The following CTNND2 variants were observed in gnomAD, a reference collection of about 807,000 sequenced individuals.
CTNND2 encodes the protein catenin delta 2, also known as catenin delta-2.
In CTNND2, 22 loss-of-function variants were observed where a neutral mutation model predicts 144.4. The ratio of observed to expected loss-of-function variants is 0.15; its 90% CI spans 0.11 to 0.22. CTNND2 has a LOEUF of 0.22. Ranked by LOEUF, CTNND2 falls within the 10% of genes least tolerant of loss-of-function variation. CTNND2 has a pLI of 1.00. For missense variants in CTNND2, 1,353 were observed against 1,618.8 expected (o/e 0.84, Z 2.82); for synonymous variants, 751 against 695.6 (o/e 1.08, Z -1.25).
chr5:11,668,350 T>C (rs933956405), intron 2 of CTNND2, among the ~76,000 whole-genome samples: 1 of 152,264 alleles, frequency 6.6e-6, no homozygotes, highest in East Asian at 1.9e-4. Flanking sequence ...TCAATTACTT[T>C]GGGCAGTATG....
rs111285531 is a variant in CTNND2 at position 11,785,009 on chromosome 5, C to T, written c.38-52737G>A. Reference sequence around the variant, plus strand: ...TAATTAATATGAGGATAATTTGCACCAGTTTTCTTCTATTGTTCTTGCAAC... The same window carrying T: ...TAATTAATATGAGGATAATTTGCACTAGTTTTCTTCTATTGTTCTTGCAAC... On this transcript the variant is annotated intron_variant, in intron 1 of 21. Transcript: ENST00000304623. 1.4e-3 allele frequency among the ~76,000 whole-genome samples: 214 copies of T among 152,238 alleles called. 1 individual carries two copies. Among genetic ancestry groups the T allele is most frequent in the Non-Finnish European group, 1.2e-3 (85 of 68,010 alleles).
At chr5:11,240,710 A>C in intron 9 of CTNND2, among the ~76,000 whole-genome samples, 1 of 145,316 alleles carries the variant, frequency 6.9e-6, no homozygotes, top group East Asian at 2.2e-4. Flanking sequence ...CAACACACAC[A>C]CACCCAAAAC....
chr5:11,082,587 C>A lies in CTNND2; in HGVS notation c.2788+109G>T, dbSNP rs77073822. On this transcript the variant is annotated intron_variant, in intron 16 of 21. Transcript: ENST00000304623. Reference sequence around the variant, plus strand: ...GAAAAAATGAGGCTGCTAATAAATGCACGGCTTCTGTGTAAGCATAGGCTA... The same window carrying A: ...GAAAAAATGAGGCTGCTAATAAATGAACGGCTTCTGTGTAAGCATAGGCTA... 2.3e-6 allele frequency: 3 copies of A among 1,278,638 alleles called. No homozygotes were observed. In the Admixed American group the frequency reaches 6.7e-5, roughly 29 times the overall value. The allele number at this position is 1,278,638 out of a possible 1,614,324, so 79.2% of individuals were successfully genotyped here.
At chr5:11,418,693 G>A (rs1156723407) in intron 3 of CTNND2, among the ~76,000 whole-genome samples, 1 of 152,124 alleles carries the variant, frequency 6.6e-6, no homozygotes, top group South Asian at 2.1e-4. Flanking sequence ...GAGCAGGGTC[G>A]CACCTGGTTA....
At chr5:11,689,099 T>A (rs1167568711) in intron 2 of CTNND2, among the ~76,000 whole-genome samples, 1 of 152,220 alleles carries the variant, frequency 6.6e-6, no homozygotes, top group Non-Finnish European at 1.5e-5. Flanking sequence ...AATTCCACAG[T>A]AGCTGTAGTA....
intron 3 of CTNND2, among the ~76,000 whole-genome samples, chr5:11,443,310 GGT>G (rs1226360190): frequency 1.1e-5 from 1 of 90,710 alleles, no homozygotes; most frequent in Non-Finnish European, 2.1e-5. Context: ...GCATGTGTGT[GGT>G]GTGTGTGCAT....
At chr5:11,290,871 C>T (rs183824444) in intron 9 of CTNND2, among the ~76,000 whole-genome samples, 45 of 152,276 alleles carry the variant, frequency 3.0e-4, no homozygotes, top group Admixed American at 2.7e-3. Flanking sequence ...AAGCAGGACA[C>T]ACTGAGCCCC....
intron 15 of CTNND2, chr5:11,083,802 T>G: frequency 1.3e-6 from 1 of 745,830 alleles, no homozygotes; most frequent in Non-Finnish European, 1.7e-6. Flanking sequence ...GGACCAGTCC[T>G]TTCCCACCCA....
At position 11,732,175 on chromosome 5, in the gene CTNND2, T is replaced by G; in HGVS notation, c.135A>C (p.Thr45=). The change falls in exon 2 of 22, where the codon ACA becomes ACC. Residue 45 remains threonine (T), a synonymous_variant. Transcript: ENST00000304623. ...AGGCGAGGATGGCAGAGGTGGTTTC[T>G]GTTTCAGAGCCATCCCCGTTGGAGG... ...LNTSNGDGSE[T]ETTSAILASV... is the part of the protein sequence containing the mutation. The G allele has an allele frequency of 6.2e-7, 1 of 1,613,988 alleles. No individual in the cohort carries two copies. The highest frequency in any genetic ancestry group is 8.5e-7 in the Non-Finnish European group (1 of 1,179,890).
At chr5:11,017,863 A>T in intron 18 of CTNND2, 111 bp downstream of exon 18, 1 of 790,580 alleles carries the variant, frequency 1.3e-6, no homozygotes, top group Non-Finnish European at 2.2e-6. Flanking sequence ...TTCTCGTTTC[A>T]GTTGTGTTTC....
At chr5:11,815,705 A>G (rs1047125926) in intron 1 of CTNND2, among the ~76,000 whole-genome samples, 2 of 152,170 alleles carry the variant, frequency 1.3e-5, no homozygotes, top group African/African-American at 4.8e-5. Flanking sequence ...AACAGGATGA[A>G]GAGTAGGGTT....
At position 11,112,454 on chromosome 5, in the gene CTNND2, C is replaced by T. The variant is rs183045490; in HGVS notation, c.2278-1411G>A. On this transcript the variant is annotated intron_variant, in intron 13 of 21. Coordinates refer to ENST00000304623, the MANE Select transcript of CTNND2 (RefSeq NM_001332.4). ...GAAGGGAACAAATTCTCCCCAAGAGCCTCAAGAAGGTAAGCCTCAGACCTT... is the reference window on the plus strand; with the variant it reads ...GAAGGGAACAAATTCTCCCCAAGAGTCTCAAGAAGGTAAGCCTCAGACCTT... Among the ~76,000 whole-genome samples the T allele has an allele frequency of 4.7e-4, 72 of 152,296 alleles. 1 individual carries two copies. The highest frequency in any genetic ancestry group is 3.8e-3 in the Admixed American group (58 of 15,300).
chr5:11,204,997 G>T (rs1206375157), intron 10 of CTNND2, among the ~76,000 whole-genome samples: 1 of 152,040 alleles, frequency 6.6e-6, no homozygotes, highest in Non-Finnish European at 1.5e-5. Context: ...CCTATTATTT[G>T]GTGATACAAG....
chr5:11,166,529 C>G (rs905140941), intron 11 of CTNND2, among the ~76,000 whole-genome samples: 13 of 150,830 alleles, frequency 8.6e-5, no homozygotes, highest in African/African-American at 3.2e-4. Flanking sequence ...GATTACAGGC[C>G]CGCCACCACG....
chr5:11,633,921 C>T (rs1054875142), intron 2 of CTNND2, among the ~76,000 whole-genome samples: 1 of 152,128 alleles, frequency 6.6e-6, no homozygotes, highest in Non-Finnish European at 1.5e-5. Flanking sequence ...GATAGTGGTA[C>T]AGTCCATCTT....
chr5:11,837,000 AT>A (rs1163627559), intron 1 of CTNND2, among the ~76,000 whole-genome samples: 1 of 152,230 alleles, frequency 6.6e-6, no homozygotes, highest in African/African-American at 2.4e-5. Flanking sequence ...AACTATTAGG[AT>A]ATGAGAACAG....
intron 15 of CTNND2, among the ~76,000 whole-genome samples, chr5:11,091,982 C>T (rs1012599939): frequency 6.6e-6 from 1 of 152,148 alleles, no homozygotes; most frequent in Admixed American, 6.5e-5. Flanking sequence ...GAACTCTGAT[C>T]ACTTTGATAT....
chr5:11,541,354 T>A (rs1395769548), intron 3 of CTNND2, among the ~76,000 whole-genome samples: 2 of 152,198 alleles, frequency 1.3e-5, no homozygotes, highest in African/African-American at 4.8e-5. Flanking sequence ...GTTTCTGGGA[T>A]AAAGGTAAAT....
chr5:11,601,419 C>T (rs1779787646), intron 2 of CTNND2, among the ~76,000 whole-genome samples: 1 of 151,920 alleles, frequency 6.6e-6, no homozygotes, highest in Non-Finnish European at 1.5e-5. Context: ...GAAGGCACAT[C>T]ATATTAAGTG....
Sources: allele counts gnomAD v4.1 joint callset (sites outside exome capture counted in the v4.1 genomes callset), GRCh38; gene constraint gnomAD v4.1.1; transcripts MANE v1.5; gene names NCBI Gene and HGNC (gene_info 2026-07-23, HGNC 2026-07-21).